Variants in PRSS36 observed in about 807,000 individuals in gnomAD.
PRSS36 encodes the protein polyserase-2.
Under a neutral mutation model 94.3 loss-of-function variants are expected in PRSS36, and 90 were observed. The observed-to-expected ratio is 0.95, with a 90% CI of 0.80 to 1.14. The LOEUF is 1.14. Among genes scored for constraint, PRSS36 ranks in the 50% most tolerant of loss-of-function variants. The pLI is 0.00. For missense variants in PRSS36, 1,158 were observed against 1,135.0 expected, an observed-to-expected ratio of 1.02 and a Z score of -0.29; for synonymous variants, 500 against 489.6, an observed-to-expected ratio of 1.02 and a Z score of -0.28.
Position 31,143,673 on chromosome 16 carries a change from A to G in PRSS36, c.885T>C (p.Pro295=), listed in dbSNP as rs771922787. ...GGGGCTGGGTGGGAAAGGCAGGCCC[A>G]GGCTCTGAACCCATCACCTGCTCCC... is the stretch of plus-strand genomic sequence containing the variant. The part of the protein sequence containing the change: ...WIREQVMGSE[P]GPAFPTQPQK... Residue 295 remains proline (P), a synonymous_variant, in exon 7 of 15, where the codon CCT becomes CCC. Transcript: ENST00000268281. 6.2e-7 allele frequency: 1 copy of G among 1,614,170 alleles called. No individual in the cohort carries two copies. Among genetic ancestry groups the G allele is most frequent in the South Asian group, 1.1e-5 (1 of 91,084 alleles).
chr16:31,148,747 G>T (rs924749133), intron 4 of PRSS36, 72 bp from the exon 5 acceptor site: 1 of 1,580,098 alleles, frequency 6.3e-7, no homozygotes, highest in Non-Finnish European at 8.6e-7. Flanking sequence ...GGGGGCAGGG[G>T]CTCAGAGCCA....
At chr16:31,143,553 T>C in intron 7 of PRSS36, 35 bp downstream of exon 7, 1 of 1,612,690 alleles carries the variant, frequency 6.2e-7, no homozygotes, top group Non-Finnish European at 8.5e-7. Context: ...CACTCTCCCA[T>C]GTCCCGCTTA....
intron 1 of PRSS36, 29 bp from the exon 2 acceptor site, chr16:31,149,760 G>C (rs1447868588): frequency 2.5e-6 from 4 of 1,613,986 alleles, no homozygotes; most frequent in Non-Finnish European, 3.4e-6. Flanking sequence ...GCAGGAAGAG[G>C]CTGGCGACTC....
In PRSS36 at chr16:31,139,074, C is replaced by G; in HGVS notation, c.*64G>C. On this transcript the variant is annotated 3_prime_UTR_variant, in exon 15 of 15. Coordinates refer to ENST00000268281, the MANE Select transcript of PRSS36 (RefSeq NM_173502.5). The stretch of plus-strand genomic sequence containing the variant: ...AGGTTCCAGCCGGCTGGGCCACATT[C>G]CAGCCCCACTGGGCGGGAAGTAGAG... 6.7e-7 allele frequency: 1 copy of G among 1,496,514 alleles called. No homozygotes were observed. Among genetic ancestry groups the G allele is most frequent in the Non-Finnish European group, 8.9e-7 (1 of 1,118,732 alleles). 92.7% of individuals were successfully genotyped at this position (1,496,514 alleles called of 1,614,324 possible). A position where few individuals can be genotyped will look rare whatever the true frequency, so the allele number is the denominator to read the frequency against.
chr16:31,140,366 G>A lies in PRSS36; in HGVS notation c.2217C>T (p.Cys739=). 6.2e-7 allele frequency: 1 copy of A among 1,614,062 alleles called. No homozygotes were observed. Among genetic ancestry groups the A allele is most frequent in the Non-Finnish European group, 8.5e-7 (1 of 1,179,990 alleles). The change falls in exon 14 of 15, where the codon TGC becomes TGT. Residue 739 remains cysteine (C), a synonymous_variant. Transcript: ENST00000268281. ...VSILTQRICD[C]LYQGILPPGT... Reference sequence around the variant, plus strand: ...CAGGGGGCAGGATGCCCTGATAGAGGCAGTCACAGATTCGTTGTGTCAAGA... The same window carrying A: ...CAGGGGGCAGGATGCCCTGATAGAGACAGTCACAGATTCGTTGTGTCAAGA...
chr16:31,147,244 G>C (rs1317558444), intron 5 of PRSS36, among the ~76,000 whole-genome samples: 5 of 152,100 alleles, frequency 3.3e-5, no homozygotes, highest in Non-Finnish European at 7.4e-5. Flanking sequence ...TGGGTCCACA[G>C]GGTGGCCTTC....
At chr16:31,149,280 C>A in intron 3 of PRSS36, 45 bp from the exon 4 acceptor site, 1 of 1,524,170 alleles carries the variant, frequency 6.6e-7, no homozygotes, top group South Asian at 1.2e-5. Context: ...TCGGGTTCCC[C>A]ACTCCAGAAG....
In PRSS36 at chr16:31,149,690, C is replaced by T; in HGVS notation, c.73+6G>A. On this transcript the variant is annotated splice_donor_region_variant and intron_variant, in intron 2 of 14. Transcript: ENST00000268281. ...ACGTGACTTTCCCCCAGTCCGGCTA[C>T]CTTACCTGAGTCCTGGAAGGCTCCT... 6.2e-7 allele frequency: 1 copy of T among 1,614,170 alleles called. No individual in the cohort carries two copies. The highest frequency in any genetic ancestry group is 1.1e-5 in the South Asian group (1 of 91,082).
chr16:31,149,870 G>A lies in PRSS36; in HGVS notation c.37+129C>T, dbSNP rs968804374. The A allele has an allele frequency of 3.4e-5, 51 of 1,509,432 alleles. No homozygotes were observed. In the African/African-American group the frequency reaches 4.1e-4, roughly 12 times the overall value. The allele number at this position is 1,509,432 out of a possible 1,614,324, so 93.5% of individuals were successfully genotyped here. On this transcript the variant is annotated intron_variant, in intron 1 of 14. Coordinates refer to ENST00000268281, the MANE Select transcript of PRSS36 (RefSeq NM_173502.5). ...CCTCTCCCTCCTCTGATACATCCTC[G>A]CCTTCTGCTGCCTCACTTCCTTCTC...
rs141616851 is a variant in PRSS36 at position 31,141,818 on chromosome 16, C to T, written c.1664G>A (p.Arg555Gln). Reference sequence around the variant, plus strand: ...TAGCTGGTCCTCCAGGTAGGCTCCCCGAGTCACATGGCTGATCCATGGGCC... The same window carrying T: ...TAGCTGGTCCTCCAGGTAGGCTCCCTGAGTCACATGGCTGATCCATGGGCC... ...THGPWISHVT[R>Q]GAYLEDQLAW... is the part of the protein sequence containing the mutation. Residue 555 changes from arginine (R) to glutamine (Q), a missense_variant, in exon 11 of 15, where the codon CGG (arginine) becomes CAG (glutamine). By Grantham distance (43) the Arg-to-Gln change is conservative (BLOSUM62 1). Coordinates refer to ENST00000268281, the MANE Select transcript of PRSS36 (RefSeq NM_173502.5). 253 of 1,614,044 alleles carry T rather than the reference C, an allele frequency of 1.6e-4. No individual in the cohort carries two copies. Among genetic ancestry groups the T allele is most frequent in the Non-Finnish European group, 2.0e-4 (238 of 1,180,032 alleles).
rs769982905 is a variant in PRSS36, at chr16:31,141,647, A to G, written c.1760-37T>C. The G allele has an allele frequency of 2.0e-5, 32 of 1,610,194 alleles. 1 individual carries two copies. The Middle Eastern group carries it at 8.3e-4, about 42-fold the overall frequency. On this transcript the variant is annotated intron_variant, in intron 11 of 14. Coordinates refer to ENST00000268281, the MANE Select transcript of PRSS36 (RefSeq NM_173502.5). The stretch of plus-strand genomic sequence containing the variant: ...AGGTGGCCACCTCAGTTGGGGCCCC[A>G]TGGCTGACCCCTGAGCCCCTGCCAT...
At chr16:31,148,931 G>T (rs1372261807) in intron 4 of PRSS36, 142 bp downstream of exon 4, 1 of 1,048,346 alleles carries the variant, frequency 9.5e-7, no homozygotes, top group Non-Finnish European at 1.4e-6. Context: ...GAACCATGAT[G>T]CCTCGAATAG....
In PRSS36 at chr16:31,148,603, G is replaced by A. The variant is rs749659406; in HGVS notation, c.345C>T (p.Asp115=). The A allele has an allele frequency of 1.2e-6, 2 of 1,611,704 alleles. No individual in the cohort carries two copies. The highest frequency in any genetic ancestry group is 1.7e-6 in the Non-Finnish European group (2 of 1,179,376). Residue 115 remains aspartate (D), a synonymous_variant, in exon 5 of 15, where the codon GAC becomes GAT. Transcript: ENST00000268281. The part of the protein sequence containing the change: ...LGVHSQDGPL[D]GAHTRAVAAI... ...CGGCCACTGCGCGGGTGTGCGCGCC[G>A]TCCAGGGGCCCGTCCTGGGAGTGCA...
rs759221370 is a variant in PRSS36 at position 31,149,197 on chromosome 16, C to A, written c.148G>T (p.Gly50Cys). The A allele has an allele frequency of 1.8e-5, 29 of 1,568,356 alleles. No individual in the cohort carries two copies. The highest frequency in any genetic ancestry group is 2.5e-5 in the Non-Finnish European group (29 of 1,157,584). Residue 50 changes from glycine to cysteine, a missense_variant, in exon 4 of 15, where the codon GGC becomes TGC. Gly to Cys is a radical substitution (Grantham distance 159, BLOSUM62 -3). Coordinates refer to ENST00000268281, the MANE Select transcript of PRSS36 (RefSeq NM_173502.5). ...RPEPSARIVG[G>C]SNAQPGTWPW... ...CAGGTGCCCGGCTGCGCGTTTGAGC[C>A]CCCCACGATGCGGGCCGAGGGCTCA...
At chr16:31,140,782 C>G (rs1401043326) in intron 12 of PRSS36, 25 bp from the exon 13 acceptor site, 1 of 1,610,668 alleles carries the variant, frequency 6.2e-7, no homozygotes, top group Admixed American at 1.7e-5. Context: ...TCCAATGTCA[C>G]CTTCTGCTCC....
rs2057836628 is a variant in PRSS36, at chr16:31,148,565, G to C, written c.383C>G (p.Pro128Arg). The change falls in exon 5 of 15, where the codon CCG becomes CGG. Residue 128 changes from proline (P) to arginine (R), a missense_variant. Pro to Arg is a moderately radical substitution (Grantham distance 103). Coordinates refer to ENST00000268281, the MANE Select transcript of PRSS36 (RefSeq NM_173502.5). ...HTRAVAAIVVPANYSQVELGA... is the reference protein window; with the variant it reads ...HTRAVAAIVVRANYSQVELGA... ...CAGCTCCACTTGGCTGTAGTTGGCC[G>C]GCACCACGATGGCGGCCACTGCGCG... 6.2e-7 allele frequency: 1 copy of C among 1,608,374 alleles called. No homozygotes were observed. The highest frequency in any genetic ancestry group is 8.5e-7 in the Non-Finnish European group (1 of 1,178,334).
In PRSS36 at chr16:31,142,544, G is replaced by T; in HGVS notation, c.1458C>A (p.Pro486=). The stretch of plus-strand genomic sequence containing the variant: ...GGCAGAGCGCGTGCGGCGGGTCTCC[G>T]GGCAGCGGTACTGCCGCCCCCTGGC... ...YGRQGAAVPL[P]GDPPHALCPA... is the part of the protein sequence containing the mutation. The change falls in exon 10 of 15, where the codon CCC becomes CCA. Residue 486 remains proline (P), a synonymous_variant. Transcript: ENST00000268281. The T allele has an allele frequency of 1.3e-6, 2 of 1,516,948 alleles. No individual in the cohort carries two copies. The allele number at this position is 1,516,948 out of a possible 1,614,324, so 94.0% of individuals were successfully genotyped here.
intron 6 of PRSS36, among the ~76,000 whole-genome samples, chr16:31,144,454 C>T (rs1448684856): frequency 1.3e-5 from 2 of 152,180 alleles, no homozygotes; most frequent in Non-Finnish European, 2.9e-5. Flanking sequence ...GGATTACAGG[C>T]GTGAGCCATT....
Position 31,142,497 on chromosome 16 carries a change from T to C in PRSS36, c.1505A>G (p.Glu502Gly). The change falls in exon 10 of 15, where the codon GAG becomes GGG. Residue 502 changes from glutamate to glycine, a missense_variant. By Grantham distance (98) the Glu-to-Gly change is moderately conservative. Transcript: ENST00000268281. Reference protein sequence around the residue: ...ALCPAYQEKEEVGSCWNDSRW... With the variant: ...ALCPAYQEKEGVGSCWNDSRW... Reference sequence around the variant, plus strand: ...GCCGCTTACCCAGCAGCTGCCCACCTCCTCCTTTTCCTGGTAGGCAGGGCA... The same window carrying C: ...GCCGCTTACCCAGCAGCTGCCCACCCCCTCCTTTTCCTGGTAGGCAGGGCA... The C allele has an allele frequency of 6.7e-7, 1 of 1,485,442 alleles. No homozygotes were observed. Among genetic ancestry groups the C allele is most frequent in the Non-Finnish European group, 8.9e-7 (1 of 1,119,506 alleles). 92.0% of individuals were successfully genotyped at this position (1,485,442 alleles called of 1,614,324 possible).
Sources: gnomAD v4.1 joint callset for allele counts (sites outside exome capture counted in the v4.1 genomes callset) on GRCh38, gnomAD v4.1.1 for gene constraint, MANE v1.5 for transcripts, NCBI Gene and HGNC (gene_info 2026-07-23, HGNC 2026-07-21) for gene names.